The following TTLL10 variants were observed in gnomAD, a reference collection of about 807,000 sequenced individuals.
The protein encoded by TTLL10 is inactive polyglycylase TTLL10.
In TTLL10, 61 loss-of-function variants were observed where a neutral mutation model predicts 69.0. That is an observed-to-expected ratio of 0.88 (90% confidence interval 0.72 to 1.09). The LOEUF is 1.09. Ranked by LOEUF, TTLL10 falls within the 50% of genes least tolerant of loss-of-function variation. TTLL10 has a pLI of 0.00. For synonymous variants in TTLL10, 408 were observed against 393.3 expected, an observed-to-expected ratio of 1.04 and a Z score of -0.44; for missense variants, 962 against 945.9, an observed-to-expected ratio of 1.02 and a Z score of -0.22.
At chr1:1,179,998 C>T (rs568644278) in intron 5 of TTLL10, 36 bp from the exon 6 acceptor site, 9 of 1,482,858 alleles carry the variant, frequency 6.1e-6, no homozygotes, top group Non-Finnish European at 8.0e-6. Flanking sequence ...GGGCAGCTCC[C>T]GTAGCCACCC....
At chr1:1,179,906 C>T (rs1443381903) in intron 5 of TTLL10, 128 bp from the exon 6 acceptor site, 17 of 1,437,488 alleles carry the variant, frequency 1.2e-5, no homozygotes, top group Non-Finnish European at 1.5e-5. Flanking sequence ...TGAACTTGAG[C>T]CCCAGACGGG....
At chr1:1,180,428 C>T in intron 6 of TTLL10, 55 bp from the exon 7 acceptor site, 1 of 1,540,466 alleles carries the variant, frequency 6.5e-7, no homozygotes. Context: ...GGCCGCCCGC[C>T]ATCCCCAACC....
rs749004122 is a variant in TTLL10, at chr1:1,190,764, C to T, written c.1401+5655C>T. Among the ~76,000 whole-genome samples, 6 of 152,288 alleles carry T rather than the reference C, an allele frequency of 3.9e-5. No individual in the cohort carries two copies. In the East Asian group the frequency reaches 1.2e-3, roughly 29 times the overall value. On this transcript the variant is annotated intron_variant, in intron 13 of 15. Transcript: ENST00000379289. Reference sequence around the variant, plus strand: ...CATTTTCCTCTGACCACCACTTTTGCTGCATCCATAAGATTTTGCGTGTTG... The same window carrying T: ...CATTTTCCTCTGACCACCACTTTTGTTGCATCCATAAGATTTTGCGTGTTG...
At chr1:1,176,181 G>A (rs1646865712) in intron 3 of TTLL10, 1 of 446,260 alleles carries the variant, frequency 2.2e-6, no homozygotes, top group African/African-American at 2.1e-5. Context: ...GGTGGAGAGA[G>A]GCTGCCGCTG....
At chr1:1,183,142 G>C in intron 11 of TTLL10, 95 bp downstream of exon 11, 2 of 1,418,198 alleles carry the variant, frequency 1.4e-6, no homozygotes, top group Non-Finnish European at 1.9e-6. Context: ...GCCCTTGGTC[G>C]TGGAAAGCAG....
chr1:1,181,757 G>C lies in TTLL10; in HGVS notation c.772G>C (p.Ala258Pro), dbSNP rs1308014185. Residue 258 changes from alanine (A) to proline (P), a missense_variant, in exon 9 of 16, where the codon GCA (alanine) becomes CCA (proline). By Grantham distance (27) the Ala-to-Pro change is conservative. Coordinates refer to ENST00000379289, the MANE Select transcript of TTLL10 (RefSeq NM_001130045.2). The surrounding 1 kb of genome is among the most constrained non-coding windows in gnomAD (Gnocchi z 4.6). ...GGGCTGCAGGCTGGAAAAGGACGCA[G>C]CAGCGCCCGCCCTGGAGGACCTCCC... ...GVQARLEKDAAAPALEDLPWT... is the reference protein window; with the variant it reads ...GVQARLEKDAPAPALEDLPWT... 6.2e-7 allele frequency: 1 copy of C among 1,605,824 alleles called. No homozygotes were observed.
rs968999167 is a variant in TTLL10 at position 1,181,747 on chromosome 1, A to G, written c.762A>G (p.Glu254=). The change falls in exon 9 of 16, where the codon GAA becomes GAG. Residue 254 remains glutamate, a synonymous_variant. Transcript: ENST00000379289. The surrounding 1 kb of genome is among the most constrained non-coding windows in gnomAD (Gnocchi z 4.6). Reference sequence around the variant, plus strand: ...TCTGTCCCCTGGGCTGCAGGCTGGAAAAGGACGCAGCAGCGCCCGCCCTGG... The same window carrying G: ...TCTGTCCCCTGGGCTGCAGGCTGGAGAAGGACGCAGCAGCGCCCGCCCTGG... ...KVPGGVQARL[E]KDAAAPALED... is the part of the protein sequence containing the mutation. 3 of 1,602,772 alleles carry G rather than the reference A, an allele frequency of 1.9e-6. No individual in the cohort carries two copies. In the African/African-American group the frequency reaches 4.0e-5, roughly 21 times the overall value.
chr1:1,197,358 T>TGCCC, intron 15 of TTLL10, 80 bp from the exon 16 acceptor site: 13 of 903,706 alleles, frequency 1.4e-5, no homozygotes, highest in East Asian at 1.4e-4. Flanking sequence ...CTCACCTGGG[T>TGCCC]CCCACCCCTC....
Position 1,181,383 on chromosome 1 carries a change from C to T in TTLL10, c.756-358C>T, listed in dbSNP as rs1570412888. On this transcript the variant is annotated intron_variant, in intron 8 of 15. Transcript: ENST00000379289. This position sits in a 1 kb window ranked among gnomAD's most constrained non-coding sequence, Gnocchi z 4.6. ...TCTGGGCCATCCATCCTAGCGACTT[C>T]GTCCTCCTGCTCCCAGCCCTGCCCA... Among the ~76,000 whole-genome samples the T allele has an allele frequency of 6.6e-6, 1 of 152,040 alleles. No individual in the cohort carries two copies. The highest frequency in any genetic ancestry group is 1.5e-5 in the Non-Finnish European group (1 of 68,014).
intron 13 of TTLL10, 132 bp from the exon 14 acceptor site, chr1:1,196,468 T>C: frequency 1.5e-6 from 1 of 672,276 alleles, no homozygotes; most frequent in East Asian, 2.8e-5. Context: ...CACGAACGTG[T>C]GGGCAGGTGT....
intron 3 of TTLL10, among the ~76,000 whole-genome samples, chr1:1,176,903 C>T (rs1035437350): frequency 2.0e-5 from 3 of 152,178 alleles, no homozygotes; most frequent in Admixed American, 6.5e-5. Context: ...TAAAAGCACG[C>T]GGCTCTCTGA....
At position 1,185,097 on chromosome 1, in the gene TTLL10, C is replaced by T. The variant is rs770174657; in HGVS notation, c.1389C>T (p.Phe463=). The change falls in exon 13 of 16, where the codon TTC becomes TTT. Residue 463 remains phenylalanine, a synonymous_variant. Transcript: ENST00000379289. The surrounding 1 kb of genome is among the most constrained non-coding windows in gnomAD (Gnocchi z 6.1). The part of the protein sequence containing the change: ...KARGLAKDWV[F]TTLKKRMQQI... ...GGGGCCTCGCCAAGGACTGGGTCTT[C>T]ACCACCCTCAAGGTGCGTCCACTGT... is the stretch of plus-strand genomic sequence containing the variant. The T allele has an allele frequency of 5.1e-5, 82 of 1,613,864 alleles. No individual in the cohort carries two copies. The highest frequency in any genetic ancestry group is 6.7e-5 in the Non-Finnish European group (79 of 1,179,910).
chr1:1,190,674 A>T (rs1397837734), intron 13 of TTLL10, among the ~76,000 whole-genome samples: 1 of 151,700 alleles, frequency 6.6e-6, no homozygotes, highest in Non-Finnish European at 1.5e-5. Context: ...TAATTTCTTA[A>T]GGTCAAAAGT....
chr1:1,182,797 GGA>G, intron 10 of TTLL10, 77 bp from the exon 11 acceptor site: 1 of 1,468,976 alleles, frequency 6.8e-7, no homozygotes, highest in South Asian at 1.4e-5. Flanking sequence ...AGCCTGGAGG[GGA>G]GGGTCCTGGT....
At chr1:1,180,890 C>G (rs1239227375) in intron 8 of TTLL10, 30 bp downstream of exon 8, 1 of 1,529,754 alleles carries the variant, frequency 6.5e-7, no homozygotes, top group Admixed American at 2.0e-5. Flanking sequence ...TGCCCCCGTC[C>G]CTGCGCCCGC....
At chr1:1,186,332 G>A (rs1234873795) in intron 13 of TTLL10, among the ~76,000 whole-genome samples, 3 of 152,022 alleles carry the variant, frequency 2.0e-5, no homozygotes, top group Non-Finnish European at 4.4e-5. Flanking sequence ...CAGGTGACCC[G>A]CCCGCCTCAG....
intron 3 of TTLL10, 56 bp downstream of exon 3, chr1:1,174,545 C>A (rs1344092048): frequency 6.6e-6 from 1 of 152,280 alleles, no homozygotes; most frequent in Non-Finnish European, 1.5e-5. Flanking sequence ...TTCCACGCCG[C>A]CTTTACACCG....
rs1184630253 is a variant in TTLL10, at chr1:1,184,055, C to T, written c.1224C>T (p.Pro408=). 10 of 1,614,232 alleles carry T rather than the reference C, an allele frequency of 6.2e-6. No homozygotes were observed. Among genetic ancestry groups the T allele is most frequent in the Non-Finnish European group, 8.5e-6 (10 of 1,180,028 alleles). ...YARLTLSLYD[P]HSSDLGGHLT... is the part of the protein sequence containing the mutation. ...GCCTCACCCTTAGCCTTTACGACCC[C>T]CATTCCAGCGACCTCGGCGGCCACT... The change falls in exon 12 of 16, where the codon CCC becomes CCT. Residue 408 remains proline, a synonymous_variant. Transcript: ENST00000379289.
chr1:1,177,876 C>G (rs2100849892), intron 3 of TTLL10, among the ~76,000 whole-genome samples: 1 of 152,334 alleles, frequency 6.6e-6, no homozygotes, highest in South Asian at 2.1e-4. Flanking sequence ...GGGCTCCTGA[C>G]TTCTTCCATT....
Sources: gnomAD v4.1 joint callset for allele counts (sites outside exome capture counted in the v4.1 genomes callset) on GRCh38, gnomAD v4.1.1 for gene constraint, Gnocchi (gnomAD v3.1) non-coding constraint, MANE v1.5 for transcripts, NCBI Gene and HGNC (gene_info 2026-07-23, HGNC 2026-07-21) for gene names.